The following GAS7 variants were observed in gnomAD, a reference collection of about 807,000 sequenced individuals.
The protein encoded by GAS7 is growth arrest-specific protein 7.
In GAS7, 28 loss-of-function variants were observed where a neutral mutation model predicts 71.1. The observed-to-expected ratio is 0.39, with a 90% confidence interval of 0.29 to 0.54. GAS7 has a LOEUF of 0.54. GAS7 is among the 20% of genes least tolerant of loss of function. The pLI, the probability that GAS7 is intolerant of heterozygous loss-of-function variation, is 0.62. For synonymous variants in GAS7, 258 were observed against 245.8 expected (o/e 1.05, Z -0.46); for missense variants, 436 against 627.8 (o/e 0.69, Z 3.27).
At chr17:10,102,387 C>G (rs1285717708) in intron 1 of GAS7, among the ~76,000 whole-genome samples, 1 of 152,040 alleles carries the variant, frequency 6.6e-6, no homozygotes, top group Non-Finnish European at 1.5e-5. Flanking sequence ...CCTACTGTCC[C>G]AGCCATGAAA....
intron 2 of GAS7, among the ~76,000 whole-genome samples, chr17:9,991,198 AC>A (rs1359285318): frequency 2.0e-5 from 3 of 151,946 alleles, no homozygotes; most frequent in African/African-American, 7.3e-5. Context: ...TCCCTGCCTC[AC>A]CCCTCCTTTT....
chr17:10,073,259 G>A (rs1479846898), intron 1 of GAS7, among the ~76,000 whole-genome samples: 1 of 152,158 alleles, frequency 6.6e-6, no homozygotes, highest in Non-Finnish European at 1.5e-5. Context: ...CACTATGCAG[G>A]TACCTCAGTG....
At chr17:10,139,487 CTAAT>C (rs1245467062) in intron 1 of GAS7, among the ~76,000 whole-genome samples, 1 of 152,172 alleles carries the variant, frequency 6.6e-6, no homozygotes, top group Admixed American at 6.5e-5. Flanking sequence ...TCCATTTAAT[CTAAT>C]TAATAACTCT....
chr17:9,982,062 T>G (rs1350035783), intron 2 of GAS7, among the ~76,000 whole-genome samples, 178 bp from the exon 3 acceptor site: 1 of 152,132 alleles, frequency 6.6e-6, no homozygotes, highest in African/African-American at 2.4e-5. Flanking sequence ...CCATCTCCCT[T>G]CCTGGCCCCT....
chr17:10,023,837 T>G (rs1341852381), intron 1 of GAS7, among the ~76,000 whole-genome samples: 1 of 152,114 alleles, frequency 6.6e-6, no homozygotes, highest in Non-Finnish European at 1.5e-5. Flanking sequence ...AAAAAAAAAT[T>G]TTTTGGCTGG....
intron 1 of GAS7, among the ~76,000 whole-genome samples, chr17:10,089,364 G>C (rs543102906): frequency 6.6e-6 from 1 of 152,144 alleles, no homozygotes; most frequent in Non-Finnish European, 1.5e-5. Flanking sequence ...CTGGCATGGA[G>C]CTTTGCAGCC....
intron 2 of GAS7, among the ~76,000 whole-genome samples, chr17:10,009,455 G>A (rs911633264): frequency 6.6e-6 from 1 of 151,774 alleles, no homozygotes; most frequent in Non-Finnish European, 1.5e-5. Context: ...TTACTATTTG[G>A]CAAAGGAATC....
intron 1 of GAS7, among the ~76,000 whole-genome samples, chr17:10,175,991 G>A (rs887872097): frequency 2.0e-5 from 3 of 152,152 alleles, no homozygotes; most frequent in Non-Finnish European, 4.4e-5. Flanking sequence ...GTTATCACTC[G>A]GTCTGGTTCC....
At chr17:9,958,532 T>G (rs1339043904) in intron 5 of GAS7, among the ~76,000 whole-genome samples, 1 of 152,092 alleles carries the variant, frequency 6.6e-6, no homozygotes, top group Non-Finnish European at 1.5e-5. Context: ...ATAGCAAACC[T>G]GCGACCACAC....
chr17:10,091,038 C>T (rs1322473749), intron 1 of GAS7, among the ~76,000 whole-genome samples: 3 of 152,130 alleles, frequency 2.0e-5, no homozygotes, highest in South Asian at 2.1e-4. Context: ...CGCCTCTCTC[C>T]TCCACCCCTA....
At chr17:9,947,752 G>A (rs569894140) in intron 5 of GAS7, among the ~76,000 whole-genome samples, 21 of 115,906 alleles carry the variant, frequency 1.8e-4, no homozygotes, top group Non-Finnish European at 2.8e-4. Context: ...TTGTACGAAC[G>A]AAACTATGTC....
At chr17:10,119,326 T>G (rs1483450684) in intron 1 of GAS7, among the ~76,000 whole-genome samples, 2 of 152,202 alleles carry the variant, frequency 1.3e-5, no homozygotes, top group Non-Finnish European at 2.9e-5. Context: ...CTGTATTGAT[T>G]TATTCCTTCA....
rs2074557732 is a variant in GAS7, at chr17:10,198,477, C to T, written c.-87G>A. On this transcript the variant is annotated 5_prime_UTR_variant, in exon 1 of 14. Coordinates refer to ENST00000432992, the MANE Select transcript of GAS7 (RefSeq NM_201433.2). Reference sequence around the variant, plus strand: ...GCGGCTCCGCGGGGTCCCAGGCGCCCGGCGCTCCGGGCTCCCGCGCTCTGG... The same window carrying T: ...GCGGCTCCGCGGGGTCCCAGGCGCCTGGCGCTCCGGGCTCCCGCGCTCTGG... The T allele has an allele frequency of 2.0e-6, 2 of 1,020,902 alleles. No individual in the cohort carries two copies. The highest frequency in any genetic ancestry group is 1.7e-5 in the African/African-American group (1 of 58,202). The allele number at this position is 1,020,902 out of a possible 1,614,324, so 63.2% of individuals were successfully genotyped here.
intron 1 of GAS7, among the ~76,000 whole-genome samples, chr17:10,097,870 C>T (rs1423682615): frequency 6.6e-6 from 1 of 151,994 alleles, no homozygotes; most frequent in Admixed American, 6.6e-5. Context: ...ATAGCGAAAC[C>T]CCGTCTCTAC....
chr17:9,996,455 A>G lies in GAS7; in HGVS notation c.305-14571T>C, dbSNP rs2071046852. On this transcript the variant is annotated intron_variant, in intron 2 of 13. Coordinates refer to ENST00000432992, the MANE Select transcript of GAS7 (RefSeq NM_201433.2). ...GGGAGGGGGCAGGGATACCATTAGG[A>G]GATATGCCTAATGTTAAATGACGAT... 5.3e-5 allele frequency among the ~76,000 whole-genome samples: 8 copies of G among 151,530 alleles called. 1 individual carries two copies. The South Asian group carries it at 1.7e-3, about 32-fold the overall frequency.
intron 1 of GAS7, among the ~76,000 whole-genome samples, chr17:10,101,393 G>A (rs900285228): frequency 2.6e-5 from 4 of 152,198 alleles, no homozygotes; most frequent in South Asian, 2.1e-4. Flanking sequence ...CGGAAGCCAC[G>A]GCCATTTTGT....
chr17:10,019,352 T>C (rs1431559108), intron 2 of GAS7, among the ~76,000 whole-genome samples: 2 of 152,202 alleles, frequency 1.3e-5, no homozygotes, highest in Non-Finnish European at 2.9e-5. Context: ...AACCCCTGTA[T>C]TGAAGCTTCA....
At chr17:10,098,265 C>A (rs1044018920) in intron 1 of GAS7, among the ~76,000 whole-genome samples, 1 of 152,270 alleles carries the variant, frequency 6.6e-6, no homozygotes. Context: ...CCCTCTAGGA[C>A]TAGCCTGGCC....
At chr17:10,125,656 G>A (rs879438919) in intron 1 of GAS7, among the ~76,000 whole-genome samples, 2 of 151,990 alleles carry the variant, frequency 1.3e-5, no homozygotes, top group African/African-American at 2.4e-5. Context: ...GGGGAGATGA[G>A]GAGGGAGGAG....
Sources: gnomAD v4.1 joint callset for allele counts (sites outside exome capture counted in the v4.1 genomes callset) on GRCh38, gnomAD v4.1.1 for gene constraint, MANE v1.5 for transcripts, NCBI Gene and HGNC (gene_info 2026-07-23, HGNC 2026-07-21) for gene names.